ITGA9: variants seen among roughly 807,000 people sequenced by gnomAD.
ITGA9 encodes integrin alpha-9.
ITGA9 carries 56 observed loss-of-function variants against 127.8 expected under a neutral mutation model. The ratio of observed to expected loss-of-function variants is 0.44; its 90% CI spans 0.35 to 0.55. The LOEUF is 0.55. ITGA9 is among the 20% of genes least tolerant of loss of function. The pLI, the probability that ITGA9 is intolerant of heterozygous loss-of-function variation, is 0.00. For synonymous variants in ITGA9, 508 were observed against 514.5 expected (o/e 0.99, Z 0.17); for missense variants, 1,196 against 1,347.1 (o/e 0.89, Z 1.76).
chr3:37,680,502 C>T (rs1263377036), intron 17 of ITGA9, among the ~76,000 whole-genome samples: 1 of 152,038 alleles, frequency 6.6e-6, no homozygotes, highest in Non-Finnish European at 1.5e-5. Context: ...TGACAGAGGC[C>T]CAAGGTTTGG....
intron 15 of ITGA9, among the ~76,000 whole-genome samples, chr3:37,580,786 G>A (rs1351372030): frequency 6.6e-6 from 1 of 152,140 alleles, no homozygotes; most frequent in Non-Finnish European, 1.5e-5. Context: ...GCTTCCTGCT[G>A]TATTTCTGTT....
intron 27 of ITGA9, among the ~76,000 whole-genome samples, chr3:37,809,244 C>A (rs1423375940): frequency 6.6e-6 from 1 of 151,970 alleles, no homozygotes; most frequent in African/African-American, 2.4e-5. Context: ...TGCCACCAAG[C>A]CTGGCTAAGT....
At chr3:37,692,712 TAATTGTTCAAA>T (rs1700845236) in intron 18 of ITGA9, among the ~76,000 whole-genome samples, 1 of 152,124 alleles carries the variant, frequency 6.6e-6, no homozygotes, top group Admixed American at 6.5e-5. Context: ...CCAAGATATA[TAATTGTTCAAA>T]TATGTGATGC....
intron 17 of ITGA9, 136 bp downstream of exon 17, chr3:37,653,926 T>TA (rs536537016): frequency 1.2e-5 from 8 of 683,324 alleles, no homozygotes; most frequent in Non-Finnish European, 1.9e-5. Flanking sequence ...TCTGTGGTTT[T>TA]AAAAAAATGT....
chr3:37,712,963 G>T (rs1461583351), intron 18 of ITGA9, among the ~76,000 whole-genome samples: 1 of 152,158 alleles, frequency 6.6e-6, no homozygotes, highest in East Asian at 1.9e-4. Flanking sequence ...AAGTAGCTTG[G>T]CCAGAGTCTC....
chr3:37,545,287 GGC>G (rs142561955), intron 15 of ITGA9, among the ~76,000 whole-genome samples: 2,017 of 152,330 alleles, frequency 0.013, 31 homozygotes, highest in African/African-American at 0.036. Context: ...CAGACAGTGG[GGC>G]CAGCATGAGG....
intron 13 of ITGA9, 91 bp from the exon 14 acceptor site, chr3:37,533,223 G>C (rs1017955662): frequency 2.6e-6 from 3 of 1,143,636 alleles, no homozygotes; most frequent in Non-Finnish European, 4.0e-6. Context: ...TGGGTTGAAG[G>C]CCTAGGATTT....
intron 15 of ITGA9, among the ~76,000 whole-genome samples, chr3:37,572,118 G>A (rs1699607847): frequency 6.6e-6 from 1 of 151,986 alleles, no homozygotes; most frequent in African/African-American, 2.4e-5. Context: ...ATCCTGCCCT[G>A]TAAACATGCC....
At position 37,452,210 on chromosome 3, in the gene ITGA9, A is replaced by T; in HGVS notation, c.-165A>T. 5.4e-6 allele frequency: 1 copy of T among 186,582 alleles called. No homozygotes were observed. Among genetic ancestry groups the T allele is most frequent in the Non-Finnish European group, 9.9e-6 (1 of 100,714 alleles). 11.6% of individuals were successfully genotyped at this position (186,582 alleles called of 1,614,324 possible). A position where few individuals can be genotyped will look rare whatever the true frequency, so the allele number is the denominator to read the frequency against. On this transcript the variant is annotated 5_prime_UTR_variant, in exon 1 of 28. Coordinates refer to ENST00000264741, the MANE Select transcript of ITGA9 (RefSeq NM_002207.3). This position sits in a 1 kb window ranked among gnomAD's most constrained non-coding sequence, Gnocchi z 7.3. ...CTGTGCTCGCCTTCAGCGCCCGCTC[A>T]GCCCGCCGTCCGCGCCCCGGTGGCG...
chr3:37,696,027 A>C (rs1700881811), intron 18 of ITGA9, among the ~76,000 whole-genome samples: 1 of 152,196 alleles, frequency 6.6e-6, no homozygotes, highest in Non-Finnish European at 1.5e-5. Context: ...CATTCCAAGC[A>C]AGAAGGAGAA....
intron 18 of ITGA9, among the ~76,000 whole-genome samples, chr3:37,697,371 A>G (rs917133574): frequency 6.6e-6 from 1 of 150,998 alleles, no homozygotes; most frequent in Admixed American, 6.6e-5. Flanking sequence ...GTTCTAGGGT[A>G]CATGTGCACA....
intron 26 of ITGA9, among the ~76,000 whole-genome samples, chr3:37,802,459 C>A (rs1283256472): frequency 6.6e-6 from 1 of 152,152 alleles, no homozygotes; most frequent in African/African-American, 2.4e-5. Context: ...AATGGACATT[C>A]CAAAGAGATG....
rs1696542503 is a variant in ITGA9 at position 37,748,811 on chromosome 3, C to T, written c.2434-1651C>T. The T allele has an allele frequency of 1.1e-4, 92 of 863,596 alleles. No individual in the cohort carries two copies. In the South Asian group the frequency reaches 1.3e-3, roughly 12 times the overall value. The allele number at this position is 863,596 out of a possible 1,614,324, so 53.5% of individuals were successfully genotyped here. A position where few individuals can be genotyped will look rare whatever the true frequency, so the allele number is the denominator to read the frequency against. On this transcript the variant is annotated intron_variant, in intron 22 of 27. Coordinates refer to ENST00000264741, the MANE Select transcript of ITGA9 (RefSeq NM_002207.3). ...AGATACCTGGGTCCAACTGAAGCAC[C>T]AGCCTGCACCACCCAGAGAAGCACA...
chr3:37,540,434 A>G (rs975010675), intron 14 of ITGA9, among the ~76,000 whole-genome samples: 1 of 152,244 alleles, frequency 6.6e-6, no homozygotes, highest in African/African-American at 2.4e-5. Flanking sequence ...AGTAGAAAGT[A>G]AATTGGCTAG....
chr3:37,531,648 G>T (rs1379949756), intron 13 of ITGA9, among the ~76,000 whole-genome samples: 1 of 152,200 alleles, frequency 6.6e-6, no homozygotes, highest in Non-Finnish European at 1.5e-5. Flanking sequence ...ACCAGGCAAG[G>T]TGGAGACCAG....
At chr3:37,777,841 T>C (rs1696926364) in intron 24 of ITGA9, among the ~76,000 whole-genome samples, 1 of 152,252 alleles carries the variant, frequency 6.6e-6, no homozygotes, top group African/African-American at 2.4e-5. Context: ...TAATATCTAC[T>C]AAAACAAAAC....
At chr3:37,668,298 C>A (rs569427398) in intron 17 of ITGA9, among the ~76,000 whole-genome samples, 1 of 152,172 alleles carries the variant, frequency 6.6e-6, no homozygotes, top group East Asian at 1.9e-4. Flanking sequence ...CTGAGACACC[C>A]GGGAAGGCTG....
intron 3 of ITGA9, among the ~76,000 whole-genome samples, chr3:37,477,809 T>C (rs962917558): frequency 2.6e-5 from 4 of 152,130 alleles, no homozygotes; most frequent in Admixed American, 1.3e-4. Context: ...TAATTTAAGC[T>C]TCTAGATTAT....
intron 23 of ITGA9, among the ~76,000 whole-genome samples, chr3:37,765,919 C>A (rs1392889289): frequency 6.6e-6 from 1 of 152,234 alleles, no homozygotes; most frequent in African/African-American, 2.4e-5. Context: ...CACTTTGTTG[C>A]CAGCATGTAG....
Sources: allele counts gnomAD v4.1 joint callset (sites outside exome capture counted in the v4.1 genomes callset), GRCh38; gene constraint gnomAD v4.1.1; non-coding constraint Gnocchi (gnomAD v3.1); transcripts MANE v1.5; gene names NCBI Gene and HGNC (gene_info 2026-07-23, HGNC 2026-07-21).